Variants in CGGBP1 observed in about 807,000 individuals in gnomAD.
The protein encoded by CGGBP1 is CGG triplet repeat binding protein 1.
Under a neutral mutation model 11.4 loss-of-function variants are expected in CGGBP1, and 4 were observed. The observed-to-expected ratio is 0.35, with a 90% CI of 0.17 to 0.80. The LOEUF (loss-of-function observed/expected upper bound fraction) is 0.80, where lower values mean the gene tolerates loss of function less well. Among genes scored for constraint, CGGBP1 ranks in the 30% least tolerant of loss-of-function variants. CGGBP1 has a pLI of 0.52. For synonymous variants in CGGBP1, 76 were observed against 74.1 expected, an observed-to-expected ratio of 1.03 and a Z score of -0.13; for missense variants, 135 against 202.1, an observed-to-expected ratio of 0.67 and a Z score of 2.01.
chr3:88,141,870 C>T (rs1707150372), intron 1 of CGGBP1: 1 of 390,962 alleles, frequency 2.6e-6, no homozygotes, highest in Non-Finnish European at 4.6e-6. Flanking sequence ...TACCAGTTTT[C>T]CAGAAAACCA....
At chr3:88,112,901 T>G (rs1434796357) in intron 2 of CGGBP1, among the ~76,000 whole-genome samples, 1 of 152,098 alleles carries the variant, frequency 6.6e-6, no homozygotes, top group East Asian at 1.9e-4. Context: ...TCTATAGTTC[T>G]AAAACTTAAG....
rs1705008484 is a variant in CGGBP1 at position 88,110,278 on chromosome 3, C to A, written c.-229+30692G>T. Reference sequence around the variant, plus strand: ...TGAGATTCAAACCCAAACAGCTAGACCATGGGTCTGTAAAGGACCAGATAC... The same window carrying A: ...TGAGATTCAAACCCAAACAGCTAGAACATGGGTCTGTAAAGGACCAGATAC... On this transcript the variant is annotated intron_variant, in intron 2 of 3. Transcript: ENST00000462901. 2.0e-5 allele frequency among the ~76,000 whole-genome samples: 3 copies of A among 152,066 alleles called. No individual in the cohort carries two copies. The South Asian group carries it at 6.2e-4, about 31-fold the overall frequency.
chr3:88,084,151 G>GCCT (rs1402707553), intron 2 of CGGBP1, among the ~76,000 whole-genome samples: 1 of 152,130 alleles, frequency 6.6e-6, no homozygotes, highest in Non-Finnish European at 1.5e-5. Flanking sequence ...GTTAGGTTTG[G>GCCT]CCTCAGCTAG....
chr3:88,108,170 G>A (rs1281058732), intron 2 of CGGBP1, among the ~76,000 whole-genome samples: 5 of 151,826 alleles, frequency 3.3e-5, no homozygotes, highest in Non-Finnish European at 7.4e-5. Context: ...TATGAATTCA[G>A]GTCACGACCT....
chr3:88,096,085 G>C (rs1576264458), intron 2 of CGGBP1: 1 of 161,478 alleles, frequency 6.2e-6, no homozygotes, highest in African/African-American at 2.4e-5. Flanking sequence ...GGGCTTGGCA[G>C]ACTGACCTTC....
At chr3:88,085,465 C>T (rs1001404240) in intron 2 of CGGBP1, among the ~76,000 whole-genome samples, 1 of 152,118 alleles carries the variant, frequency 6.6e-6, no homozygotes, top group African/African-American at 2.4e-5. Context: ...ATCACTTTTA[C>T]CTCGTGGATG....
At chr3:88,124,845 T>G (rs1705992667) in intron 2 of CGGBP1, among the ~76,000 whole-genome samples, 1 of 152,132 alleles carries the variant, frequency 6.6e-6, no homozygotes, top group Admixed American at 6.6e-5. Flanking sequence ...TTTATGCATT[T>G]TTGAAAATAA....
intron 2 of CGGBP1, among the ~76,000 whole-genome samples, chr3:88,105,052 A>C (rs1210437693): frequency 6.6e-6 from 1 of 152,232 alleles, no homozygotes; most frequent in African/African-American, 2.4e-5. Flanking sequence ...AGGCAGAAGA[A>C]TCACTTGAAC....
At chr3:88,059,236 T>G (rs1576164974), upstream of CGGBP1, 2 of 1,517,972 alleles carry the variant, frequency 1.3e-6, 1 homozygote, top group East Asian at 4.9e-5. Flanking sequence ...GGGAGGGAAC[T>G]AGAGAGGAGG....
At chr3:88,092,477 C>T (rs1703801801) in intron 2 of CGGBP1, among the ~76,000 whole-genome samples, 1 of 151,982 alleles carries the variant, frequency 6.6e-6, no homozygotes, top group Non-Finnish European at 1.5e-5. Flanking sequence ...CAAAAATGTG[C>T]TGGGTGAGCT....
intron 2 of CGGBP1, among the ~76,000 whole-genome samples, chr3:88,103,069 CAT>C (rs1704526452): frequency 1.3e-5 from 2 of 152,044 alleles, no homozygotes; most frequent in African/African-American, 4.8e-5. Flanking sequence ...TAAGTGAGCA[CAT>C]GTGTTATTTG....
chr3:88,125,611 A>G (rs566130079), intron 2 of CGGBP1, among the ~76,000 whole-genome samples: 1 of 152,256 alleles, frequency 6.6e-6, no homozygotes, highest in East Asian at 1.9e-4. Flanking sequence ...CAACAAAGGG[A>G]AACAGAATCT....
At chr3:88,100,318 A>C (rs907821764) in intron 2 of CGGBP1, among the ~76,000 whole-genome samples, 17 of 152,136 alleles carry the variant, frequency 1.1e-4, no homozygotes, top group Non-Finnish European at 1.8e-4. Context: ...AAAAGTCAGG[A>C]AACAACAGGT....
intron 2 of CGGBP1, among the ~76,000 whole-genome samples, chr3:88,122,888 T>C (rs528177101): frequency 3.0e-4 from 45 of 151,356 alleles, no homozygotes; most frequent in Non-Finnish European, 5.0e-4. Context: ...TGGGCGCCTG[T>C]AATCTCAGCT....
At chr3:88,113,508 C>T (rs558359492) in intron 2 of CGGBP1, among the ~76,000 whole-genome samples, 1 of 152,254 alleles carries the variant, frequency 6.6e-6, no homozygotes, top group Non-Finnish European at 1.5e-5. Flanking sequence ...TTGAAGTAAG[C>T]TGTCTATCCC....
chr3:88,147,058 T>C (rs1707325581), intron 1 of CGGBP1, among the ~76,000 whole-genome samples: 1 of 152,190 alleles, frequency 6.6e-6, no homozygotes, highest in Non-Finnish European at 1.5e-5. Flanking sequence ...CATTCCTGTT[T>C]AAAACCTGCC....
chr3:88,124,591 T>G (rs1705971939), intron 2 of CGGBP1, among the ~76,000 whole-genome samples: 1 of 152,218 alleles, frequency 6.6e-6, no homozygotes, highest in African/African-American at 2.4e-5. Context: ...AGCAAAGTGT[T>G]TGTAGCCACT....
chr3:88,138,966 G>A (rs1259071243), intron 2 of CGGBP1: 25 of 1,246,136 alleles, frequency 2.0e-5, no homozygotes, highest in Non-Finnish European at 2.4e-5. Context: ...TCAAAATCGT[G>A]TTCGTTTTGA....
rs780949287 is a variant in CGGBP1 at position 88,082,129 on chromosome 3, AT to A, written c.-228-23907del. On this transcript the variant is annotated intron_variant, in intron 2 of 3. Transcript: ENST00000462901. ...GACACGTCTTCTGGTTTGTTAATCAATTTTTTTTTTTTTTTTGAGATGGAGT... is the reference window on the plus strand; with the variant it reads ...GACACGTCTTCTGGTTTGTTAATCAATTTTTTTTTTTTTTTGAGATGGAGT... 4.8e-3 allele frequency among the ~76,000 whole-genome samples: 673 copies of A among 141,568 alleles called. 2 individuals are homozygous for A. The highest frequency in any genetic ancestry group is 8.0e-3 in the African/African-American group (308 of 38,714). The allele number at this position is 141,568 out of a possible 152,430, so 92.9% of individuals were successfully genotyped here.
Sources: gnomAD v4.1 joint callset for allele counts (sites outside exome capture counted in the v4.1 genomes callset) on GRCh38, gnomAD v4.1.1 for gene constraint, MANE v1.5 for transcripts, NCBI Gene and HGNC (gene_info 2026-07-23, HGNC 2026-07-21) for gene names.